Variants in GCNT2 observed in about 807,000 individuals in gnomAD.
GCNT2 encodes N-acetyllactosaminide beta-1,6-N-acetylglucosaminyl-transferase.
GCNT2 carries 34 observed loss-of-function variants against 34.2 expected under a neutral mutation model. The observed-to-expected ratio is 1.00, with a 90% confidence interval of 0.76 to 1.32. GCNT2 has a LOEUF of 1.32. Among genes scored for constraint, GCNT2 ranks in the 40% most tolerant of loss-of-function variants. The pLI is 0.00. For missense variants in GCNT2, 584 were observed against 489.4 expected, an observed-to-expected ratio of 1.19 and a Z score of -1.82; for synonymous variants, 212 against 188.0, an observed-to-expected ratio of 1.13 and a Z score of -1.04.
chr6:10,597,437 T>C (rs919719954), intron 3 of GCNT2, among the ~76,000 whole-genome samples: 2 of 151,186 alleles, frequency 1.3e-5, no homozygotes, highest in Admixed American at 1.3e-4. Flanking sequence ...TTATAGGTAC[T>C]AGCCACCACG....
chr6:10,604,869 AAAAGAAAAAG>A (rs376364070), intron 3 of GCNT2, among the ~76,000 whole-genome samples: 6 of 115,776 alleles, frequency 5.2e-5, no homozygotes, highest in Non-Finnish European at 8.6e-5. Context: ...AAAAAAAAGA[AAAAGAAAAAG>A]AAAGAAAAAT....
chr6:10,555,763 TACAA>T (rs1762671358), intron 3 of GCNT2: 1 of 985,394 alleles, frequency 1.0e-6, no homozygotes, highest in Non-Finnish European at 1.2e-6. Flanking sequence ...AAAAAAGCAT[TACAA>T]TGGAGCTGGG....
intron 3 of GCNT2, among the ~76,000 whole-genome samples, chr6:10,561,848 TTC>T (rs1348272173): frequency 6.6e-6 from 1 of 152,046 alleles, no homozygotes; most frequent in Non-Finnish European, 1.5e-5. Context: ...TTTTGTCAAA[TTC>T]TCTCAACCTC....
At chr6:10,596,129 C>T (rs141832708) in intron 3 of GCNT2, among the ~76,000 whole-genome samples, 11 of 152,224 alleles carry the variant, frequency 7.2e-5, no homozygotes, top group African/African-American at 1.2e-4. Flanking sequence ...CTACATGAAC[C>T]GGACTGAGTT....
chr6:10,540,033 G>A lies in GCNT2; in HGVS notation c.925+10197G>A, dbSNP rs564466197. Among the ~76,000 whole-genome samples, 16 of 151,952 alleles carry A rather than the reference G, an allele frequency of 1.1e-4. 1 individual carries two copies. Among genetic ancestry groups the A allele is most frequent in the East Asian group, 9.7e-4 (5 of 5,156 alleles). ...GTCGGGGCTACAGTGAGGGGTGGTCGTGACATTGCACTCCAGTCTTGGTGA... is the reference window on the plus strand; with the variant it reads ...GTCGGGGCTACAGTGAGGGGTGGTCATGACATTGCACTCCAGTCTTGGTGA... On this transcript the variant is annotated intron_variant, in intron 3 of 4. Coordinates refer to ENST00000495262, the MANE Select transcript of GCNT2 (RefSeq NM_145649.5).
At chr6:10,592,571 G>C (rs75621218) in intron 3 of GCNT2, among the ~76,000 whole-genome samples, 154 of 152,262 alleles carry the variant, frequency 1.0e-3, no homozygotes, top group African/African-American at 3.4e-3. Context: ...ATAGCCATTT[G>C]TAGAATCATT....
At chr6:10,613,914 C>G (rs935319140) in intron 3 of GCNT2, among the ~76,000 whole-genome samples, 4 of 152,152 alleles carry the variant, frequency 2.6e-5, no homozygotes, top group Non-Finnish European at 5.9e-5. Context: ...AGGCCAGTGT[C>G]TACTCCATCA....
chr6:10,617,630 T>G (rs1194072932), intron 3 of GCNT2, among the ~76,000 whole-genome samples: 1 of 152,198 alleles, frequency 6.6e-6, no homozygotes, highest in Non-Finnish European at 1.5e-5. Flanking sequence ...CAGCCTTATT[T>G]TACCCAGCTC....
intron 3 of GCNT2, among the ~76,000 whole-genome samples, chr6:10,534,608 C>T (rs1761675023): frequency 6.6e-6 from 1 of 152,106 alleles, no homozygotes; most frequent in African/African-American, 2.4e-5. Flanking sequence ...TTTATGTAGC[C>T]CCAAGTTGTC....
intron 3 of GCNT2, among the ~76,000 whole-genome samples, chr6:10,544,434 C>T (rs2113605425): frequency 6.6e-6 from 1 of 151,130 alleles, no homozygotes; most frequent in South Asian, 2.1e-4. Context: ...GAAACCCCAT[C>T]TCTACTAAAA....
chr6:10,540,604 A>C (rs1221025365), intron 3 of GCNT2, among the ~76,000 whole-genome samples: 4 of 152,084 alleles, frequency 2.6e-5, no homozygotes, highest in Non-Finnish European at 4.4e-5. Context: ...TTGGCCCAGG[A>C]CCTAGACTTT....
intron 3 of GCNT2, among the ~76,000 whole-genome samples, chr6:10,558,220 T>A (rs1762811611): frequency 6.6e-6 from 1 of 152,210 alleles, no homozygotes; most frequent in Non-Finnish European, 1.5e-5. Flanking sequence ...TTATTTTCTA[T>A]CTCATTAACT....
chr6:10,557,465 T>G (rs1762774908), intron 3 of GCNT2: 1 of 756,704 alleles, frequency 1.3e-6, no homozygotes, highest in Admixed American at 2.3e-5. Flanking sequence ...GTTCTCACCC[T>G]AGTCCTTTCT....
chr6:10,626,560 AC>A lies in GCNT2; in HGVS notation c.1165del (p.Leu389SerfsTer22). On this transcript the variant is annotated frameshift_variant, in exon 5 of 5. Transcript: ENST00000495262. LOFTEE classifies it high-confidence loss of function. The part of the protein sequence containing the change: ...ECLELRHRER[T>X]LNQSETAIQP... ...CCTAGAACTGAGGCATCGCGAAAGAACCCTCAATCAGAGTGAAACTGCGATA... is the reference window on the plus strand; with the variant it reads ...CCTAGAACTGAGGCATCGCGAAAGAACCTCAATCAGAGTGAAACTGCGATA... 1 of 1,613,988 alleles carries A rather than the reference AC, an allele frequency of 6.2e-7. No homozygotes were observed. Among genetic ancestry groups the A allele is most frequent in the Non-Finnish European group, 8.5e-7 (1 of 1,179,856 alleles).
intron 3 of GCNT2, among the ~76,000 whole-genome samples, chr6:10,534,050 C>T (rs1761638024): frequency 6.6e-6 from 1 of 151,160 alleles, no homozygotes; most frequent in African/African-American, 2.4e-5. Flanking sequence ...CTTGCCTGTG[C>T]TTCAGCACTT....
At chr6:10,573,445 G>C (rs1436071745) in intron 3 of GCNT2, 1 of 213,972 alleles carries the variant, frequency 4.7e-6, no homozygotes, top group Non-Finnish European at 8.0e-6. Context: ...GGGGTTGCTA[G>C]GGAAGTAGAG....
chr6:10,586,459 A>C (rs757382592), intron 3 of GCNT2: 1 of 1,614,164 alleles, frequency 6.2e-7, no homozygotes, highest in Non-Finnish European at 8.5e-7. Context: ...TCAAAGACAG[A>C]GTCTGTGGTT....
intron 3 of GCNT2, among the ~76,000 whole-genome samples, chr6:10,572,067 T>C (rs1426724109): frequency 6.6e-6 from 1 of 152,160 alleles, no homozygotes; most frequent in Non-Finnish European, 1.5e-5. Flanking sequence ...AAAGCTTCTC[T>C]AGCTCTAGTA....
At position 10,628,447 on chromosome 6, in the gene GCNT2, AAAGTGTT is replaced by A. The variant is rs1440051559; in HGVS notation, c.*1844_*1850del. On this transcript the variant is annotated 3_prime_UTR_variant, in exon 5 of 5. Coordinates refer to ENST00000495262, the MANE Select transcript of GCNT2 (RefSeq NM_145649.5). ...AAAAAATGGAGTTGTTTTGGGTGGT[AAAGTGTT>A]AAGGAATAGGGACAGCTGGTCACAC... 6.6e-6 allele frequency: 1 copy of A among 152,144 alleles called. No individual in the cohort carries two copies. Among genetic ancestry groups the A allele is most frequent in the African/African-American group, 2.4e-5 (1 of 41,436 alleles). The allele number at this position is 152,144 out of a possible 1,614,324, so 9.4% of individuals were successfully genotyped here. A position where few individuals can be genotyped will look rare whatever the true frequency, so the allele number is the denominator to read the frequency against.
Sources: gnomAD v4.1 joint callset for allele counts (sites outside exome capture counted in the v4.1 genomes callset) on GRCh38, gnomAD v4.1.1 for gene constraint, MANE v1.5 for transcripts, NCBI Gene and HGNC (gene_info 2026-07-23, HGNC 2026-07-21) for gene names.